ENTREP2: variants seen among roughly 807,000 people sequenced by gnomAD.
ENTREP2 encodes the protein endosomal transmembrane epsin interactor 2, also known as protein ENTREP2.
At chr15:29,222,813 G>A in the ENTREP2 span, among the ~76,000 whole-genome samples, 1 of 152,230 alleles carries the variant, frequency 6.6e-6, no homozygotes, top group East Asian at 1.9e-4. Flanking sequence ...ATGCCTGCCA[G>A]TTGGTATTTG....
the ENTREP2 span, among the ~76,000 whole-genome samples, chr15:29,425,147 G>A: frequency 6.6e-6 from 1 of 151,822 alleles, no homozygotes; most frequent in East Asian, 1.9e-4. Context: ...TCCTGCCTCA[G>A]CCTCCCAAGT....
the ENTREP2 span, among the ~76,000 whole-genome samples, chr15:29,320,239 G>A: frequency 6.6e-6 from 1 of 152,254 alleles, no homozygotes; most frequent in African/African-American, 2.4e-5. Flanking sequence ...CAGGGCTGCA[G>A]TATAACTACC....
chr15:29,234,543 T>G, the ENTREP2 span: 1 of 1,384,070 alleles, frequency 7.2e-7, no homozygotes, highest in Non-Finnish European at 1.0e-6. Context: ...GGTGGGCAAA[T>G]AGCAACAGAT....
chr15:29,303,336 G>A, the ENTREP2 span, among the ~76,000 whole-genome samples: 1 of 152,172 alleles, frequency 6.6e-6, no homozygotes, highest in Non-Finnish European at 1.5e-5. Context: ...AGTTGATGTA[G>A]TCAGCTGCAC....
the ENTREP2 span, among the ~76,000 whole-genome samples, chr15:29,151,043 T>C: frequency 6.6e-6 from 1 of 152,216 alleles, no homozygotes; most frequent in Non-Finnish European, 1.5e-5. Context: ...AATTTCTCTT[T>C]GTTGTACTCA....
chr15:29,656,858 G>C, the ENTREP2 span, among the ~76,000 whole-genome samples: 2 of 152,180 alleles, frequency 1.3e-5, no homozygotes, highest in East Asian at 1.9e-4. Flanking sequence ...TATTACCCAA[G>C]TGAACTGAAA....
chr15:29,379,854 C>T, the ENTREP2 span, among the ~76,000 whole-genome samples: 18 of 152,230 alleles, frequency 1.2e-4, no homozygotes, highest in African/African-American at 2.4e-4. Context: ...ACCCACTCTG[C>T]GGAAGGCGGC....
At chr15:29,658,426 A>G in the ENTREP2 span, among the ~76,000 whole-genome samples, 1 of 152,172 alleles carries the variant, frequency 6.6e-6, no homozygotes. Context: ...GCAGAGGGAT[A>G]ATTGACGAAT....
At chr15:29,397,651 TTAC>T in the ENTREP2 span, among the ~76,000 whole-genome samples, 1 of 152,190 alleles carries the variant, frequency 6.6e-6, no homozygotes, top group Non-Finnish European at 1.5e-5. Flanking sequence ...ACTTGCTAAA[TTAC>T]TACAATTGAT....
chr15:29,587,868 A>G, the ENTREP2 span, among the ~76,000 whole-genome samples: 1 of 152,194 alleles, frequency 6.6e-6, no homozygotes, highest in East Asian at 1.9e-4. Context: ...CATGTTGGCC[A>G]GGCTGGTCTC....
chr15:29,578,280 A>G, the ENTREP2 span, among the ~76,000 whole-genome samples: 5 of 152,164 alleles, frequency 3.3e-5, no homozygotes, highest in African/African-American at 1.2e-4. Context: ...TCAAAAATAA[A>G]CGTAGTATTT....
At chr15:29,432,819 C>T in the ENTREP2 span, among the ~76,000 whole-genome samples, 2 of 152,106 alleles carry the variant, frequency 1.3e-5, no homozygotes, top group Admixed American at 1.3e-4. Flanking sequence ...GTGAGGAGCC[C>T]TCAGCTCTCC....
the ENTREP2 span, chr15:29,123,077 T>G: frequency 2.3e-6 from 1 of 441,186 alleles, no homozygotes; most frequent in Non-Finnish European, 4.1e-6. Context: ...AACCAGAGAG[T>G]TCACTGTGGA....
chr15:29,154,593 C>A, the ENTREP2 span, among the ~76,000 whole-genome samples: 5 of 152,226 alleles, frequency 3.3e-5, no homozygotes, highest in African/African-American at 1.2e-4. Flanking sequence ...TGGCATTAAT[C>A]AGATTAGTTT....
chr15:29,258,230 A>AAAG, the ENTREP2 span, among the ~76,000 whole-genome samples: 10 of 127,216 alleles, frequency 7.9e-5, no homozygotes, highest in Admixed American at 5.9e-4. Context: ...AAAAAAAAAA[A>AAAG]AAAGAAAGAA....
chr15:29,443,981 G>A, the ENTREP2 span, among the ~76,000 whole-genome samples: 1 of 152,044 alleles, frequency 6.6e-6, no homozygotes, highest in African/African-American at 2.4e-5. Context: ...GTGGGCGCCT[G>A]TAGTCCCAGC....
the ENTREP2 span, among the ~76,000 whole-genome samples, chr15:29,402,265 T>TATATATATATATATACACACAC: frequency 7.3e-6 from 1 of 137,792 alleles, no homozygotes; most frequent in African/African-American, 2.7e-5. Context: ...TATATATATA[T>TATATATATATATATACACACAC]ACACACACAT....
chr15:29,657,483 C>CGGGGGGGGGG, the ENTREP2 span, among the ~76,000 whole-genome samples: 18 of 69,396 alleles, frequency 2.6e-4, no homozygotes, highest in East Asian at 3.8e-4. Flanking sequence ...GCTGGGGGGG[C>CGGGGGGGGGG]GGGGGGGGGG....
At chr15:29,290,859 T>C in the ENTREP2 span, among the ~76,000 whole-genome samples, 91,269 of 151,970 alleles carry the variant, frequency 0.6, 28,216 homozygotes, top group Non-Finnish European at 0.68. Context: ...CCAAAGGGAG[T>C]GAAGCTGAGG....
Sources: allele counts gnomAD v4.1 joint callset (sites outside exome capture counted in the v4.1 genomes callset), GRCh38; gene constraint gnomAD v4.1.1; transcripts MANE v1.5; gene names NCBI Gene and HGNC (gene_info 2026-07-23, HGNC 2026-07-21).